Variants in GRIK4 observed in about 807,000 individuals in gnomAD.
GRIK4 encodes the protein glutamate ionotropic receptor kainate type subunit 4.
Under a neutral mutation model 104.9 loss-of-function variants are expected in GRIK4, and 40 were observed. The observed-to-expected ratio is 0.38, with a 90% CI of 0.30 to 0.50. GRIK4 has a LOEUF of 0.50. GRIK4 is among the 20% of genes least tolerant of loss of function. GRIK4 has a pLI of 0.93. For synonymous variants in GRIK4, 485 were observed against 524.9 expected, an observed-to-expected ratio of 0.92 and a Z score of 1.04; for missense variants, 1,047 against 1,308.1, an observed-to-expected ratio of 0.80 and a Z score of 3.08.
At chr11:120,722,159 C>T (rs952533362) in intron 3 of GRIK4, among the ~76,000 whole-genome samples, 1 of 152,172 alleles carries the variant, frequency 6.6e-6, no homozygotes, top group African/African-American at 2.4e-5. Context: ...CAAGCCAGCA[C>T]ACAAAGGGTG....
At position 120,551,762 on chromosome 11, in the gene GRIK4, C is replaced by T. The variant is rs151069925; in HGVS notation, c.-159+39875C>T. Among the ~76,000 whole-genome samples the T allele has an allele frequency of 0.013, 1,939 of 151,920 alleles. 83 individuals carry two copies. The East Asian group carries it at 0.14, about 11-fold the overall frequency. On this transcript the variant is annotated intron_variant, in intron 1 of 20. Transcript: ENST00000527524. The stretch of plus-strand genomic sequence containing the variant: ...CACCGTTGCACTCCAGCCTGGGAAA[C>T]AGAGTGAGACTCTGTAAAATAAATA...
chr11:120,632,767 C>T (rs1431367526), intron 1 of GRIK4, among the ~76,000 whole-genome samples: 1 of 152,094 alleles, frequency 6.6e-6, no homozygotes, highest in African/African-American at 2.4e-5. Context: ...CCACCAGCAT[C>T]CCCCAGAGGC....
At chr11:120,615,860 C>T (rs7107157) in intron 1 of GRIK4, among the ~76,000 whole-genome samples, 3,296 of 151,850 alleles carry the variant, frequency 0.022, 106 homozygotes, top group African/African-American at 0.075. Context: ...ATGTGTCCCC[C>T]TACTTCTCTT....
At chr11:120,800,535 G>A (rs796790300) in intron 3 of GRIK4, among the ~76,000 whole-genome samples, 31 of 152,260 alleles carry the variant, frequency 2.0e-4, no homozygotes, top group African/African-American at 6.7e-4. Flanking sequence ...TCACTTCTGC[G>A]GGTGGCTAAT....
rs1010396346 is a variant in GRIK4, at chr11:120,902,159, T to G, written c.1273-3131T>G. On this transcript the variant is annotated intron_variant, in intron 12 of 20. Transcript: ENST00000527524. This position sits in a 1 kb window ranked among gnomAD's most constrained non-coding sequence, Gnocchi z 4.5. ...CTCCCCGCTCTGGTCAGGGCACACT[T>G]GGGGACGTGTGGATGGTTTATTGGT... Among the ~76,000 whole-genome samples the G allele has an allele frequency of 6.6e-6, 1 of 152,144 alleles. No individual in the cohort carries two copies. The highest frequency in any genetic ancestry group is 2.4e-5 in the African/African-American group (1 of 41,406).
At chr11:120,551,180 G>A (rs1792083618) in intron 1 of GRIK4, among the ~76,000 whole-genome samples, 1 of 152,098 alleles carries the variant, frequency 6.6e-6, no homozygotes. Context: ...TAGATTTGGT[G>A]GTGGGAAGTT....
chr11:120,657,074 C>G (rs1393035042), intron 2 of GRIK4, among the ~76,000 whole-genome samples: 1 of 152,164 alleles, frequency 6.6e-6, no homozygotes, highest in Non-Finnish European at 1.5e-5. Context: ...TTTAGTAGTA[C>G]TTTTATATAG....
At chr11:120,616,116 A>C (rs138184472) in intron 1 of GRIK4, among the ~76,000 whole-genome samples, 3,304 of 152,232 alleles carry the variant, frequency 0.022, 48 homozygotes, top group African/African-American at 0.028. Context: ...GCACTTCATA[A>C]AATCCCTGGC....
At chr11:120,911,384 G>A (rs1303984023) in intron 13 of GRIK4, among the ~76,000 whole-genome samples, 12 of 149,740 alleles carry the variant, frequency 8.0e-5, no homozygotes, top group Admixed American at 4.0e-4. Context: ...GACTACAGGC[G>A]CGCGCCACCA....
intron 9 of GRIK4, among the ~76,000 whole-genome samples, chr11:120,864,351 C>T (rs1376749626): frequency 6.6e-6 from 1 of 152,046 alleles, no homozygotes; most frequent in African/African-American, 2.4e-5. Flanking sequence ...CGCCATTCTC[C>T]TGCCTCAGCC....
chr11:120,832,223 C>G (rs762611950), intron 7 of GRIK4, among the ~76,000 whole-genome samples, 193 bp downstream of exon 7: 1 of 152,112 alleles, frequency 6.6e-6, no homozygotes. Context: ...AGGGTGATGT[C>G]GTTTTCAGCA....
intron 3 of GRIK4, among the ~76,000 whole-genome samples, chr11:120,760,666 A>G (rs966612641): frequency 1.3e-5 from 2 of 151,560 alleles, no homozygotes; most frequent in Non-Finnish European, 2.9e-5. Context: ...TCATTGTTCA[A>G]CTCCCACTTA....
intron 3 of GRIK4, among the ~76,000 whole-genome samples, chr11:120,758,014 G>A (rs566894015): frequency 6.6e-6 from 1 of 152,186 alleles, no homozygotes; most frequent in Admixed American, 6.5e-5. Context: ...AGGAGTGGGC[G>A]TTAGGCTGAG....
intron 1 of GRIK4, among the ~76,000 whole-genome samples, chr11:120,529,963 C>G (rs1947906136): frequency 6.6e-6 from 1 of 152,246 alleles, no homozygotes; most frequent in Non-Finnish European, 1.5e-5. Context: ...GGATCCCGTT[C>G]TCCTTTTTCT....
intron 4 of GRIK4, among the ~76,000 whole-genome samples, chr11:120,803,623 A>G (rs1367948111): frequency 1.3e-5 from 2 of 152,002 alleles, no homozygotes; most frequent in Non-Finnish European, 2.9e-5. Flanking sequence ...TTTTTAGGAG[A>G]GATGGGGTTT....
rs1197296840 is a variant in GRIK4, at chr11:120,555,271, G to T, written c.-159+43384G>T. On this transcript the variant is annotated intron_variant, in intron 1 of 20. Coordinates refer to ENST00000527524, the MANE Select transcript of GRIK4 (RefSeq NM_014619.5). This position sits in a 1 kb window ranked among gnomAD's most constrained non-coding sequence, Gnocchi z 5.3. ...AGCAAAACCCAGCAAGTGGCTTCCT[G>T]TTTATGCATTAGGTCTGGGAGCTCT... 2.0e-5 allele frequency among the ~76,000 whole-genome samples: 3 copies of T among 152,224 alleles called. No individual in the cohort carries two copies. The highest frequency in any genetic ancestry group is 7.2e-5 in the African/African-American group (3 of 41,460).
chr11:120,767,249 C>T lies in GRIK4; in HGVS notation c.83-35444C>T, dbSNP rs113722809. Among the ~76,000 whole-genome samples the T allele has an allele frequency of 2.2e-3, 342 of 152,218 alleles. 6 individuals are homozygous for T. Among genetic ancestry groups the T allele is most frequent in the African/African-American group, 7.9e-3 (330 of 41,562 alleles). ...GTCTATTTGATAATAGCCATTTTTA[C>T]AATTGTGAAGTGAAATCGTGGTTTT... On this transcript the variant is annotated intron_variant, in intron 3 of 20. Transcript: ENST00000527524.
intron 1 of GRIK4, among the ~76,000 whole-genome samples, chr11:120,566,968 A>ATTTT (rs572433053): frequency 2.2e-4 from 22 of 99,710 alleles, no homozygotes; most frequent in African/African-American, 8.8e-4. Context: ...CGGCCTCCTA[A>ATTTT]TTTTTTTTTT....
chr11:120,771,788 G>C (rs1365183115), intron 3 of GRIK4, among the ~76,000 whole-genome samples: 2 of 152,206 alleles, frequency 1.3e-5, no homozygotes, highest in East Asian at 3.8e-4. Flanking sequence ...GTGGGTGCAG[G>C]TATGTGGGGG....
Sources: allele counts gnomAD v4.1 joint callset (sites outside exome capture counted in the v4.1 genomes callset), GRCh38; gene constraint gnomAD v4.1.1; non-coding constraint Gnocchi (gnomAD v3.1); transcripts MANE v1.5; gene names NCBI Gene and HGNC (gene_info 2026-07-23, HGNC 2026-07-21).